The following FOXO3 variants were observed in gnomAD, a reference collection of about 807,000 sequenced individuals.
FOXO3 encodes the protein forkhead box protein O3.
In FOXO3, 4 loss-of-function variants were observed where a neutral mutation model predicts 41.9. The observed-to-expected ratio is 0.10, with a 90% CI of 0.05 to 0.22. FOXO3 has a LOEUF of 0.22. Ranked by LOEUF, FOXO3 falls within the 10% of genes least tolerant of loss-of-function variation. The probability of loss-of-function intolerance (pLI) is 1.00; values close to 1 mark genes in which losing one functional copy is unlikely to be tolerated. For missense variants in FOXO3, 534 were observed against 906.8 expected, an observed-to-expected ratio of 0.59 and a Z score of 5.28; for synonymous variants, 318 against 389.3, an observed-to-expected ratio of 0.82 and a Z score of 2.16.
chr6:108,572,532 A>G (rs1343248381), intron 1 of FOXO3, among the ~76,000 whole-genome samples: 1 of 152,244 alleles, frequency 6.6e-6, no homozygotes, highest in Non-Finnish European at 1.5e-5. Flanking sequence ...CAGCAGTAGC[A>G]GTAGATATCT....
chr6:108,679,367 A>C (rs1391214225), intron 2 of FOXO3, among the ~76,000 whole-genome samples: 1 of 152,158 alleles, frequency 6.6e-6, no homozygotes, highest in Non-Finnish European at 1.5e-5. Context: ...CCACATAGCC[A>C]GTAGGGAAGA....
intron 1 of FOXO3, among the ~76,000 whole-genome samples, chr6:108,597,967 T>C (rs1776934342): frequency 6.6e-6 from 1 of 152,230 alleles, no homozygotes; most frequent in Non-Finnish European, 1.5e-5. Flanking sequence ...AAGCTATATA[T>C]ATTTGTTAAA....
intron 1 of FOXO3, among the ~76,000 whole-genome samples, chr6:108,597,081 AG>A (rs1776906732): frequency 6.6e-6 from 1 of 152,228 alleles, no homozygotes; most frequent in African/African-American, 2.4e-5. Context: ...AGATGGCAGC[AG>A]CTAAGTGAGA....
chr6:108,573,280 C>G (rs1776160227), intron 1 of FOXO3, among the ~76,000 whole-genome samples: 3 of 151,822 alleles, frequency 2.0e-5, no homozygotes, highest in African/African-American at 7.3e-5. Flanking sequence ...GAGAGAGACT[C>G]TGTCTCAAAA....
chr6:108,622,666 C>T (rs532565083), intron 1 of FOXO3, among the ~76,000 whole-genome samples: 28 of 152,132 alleles, frequency 1.8e-4, no homozygotes, highest in African/African-American at 5.8e-4. Context: ...GGAAGGGGCC[C>T]GTGTGAGGAA....
chr6:108,660,399 T>C (rs538881949), intron 1 of FOXO3, among the ~76,000 whole-genome samples: 1 of 152,362 alleles, frequency 6.6e-6, no homozygotes, highest in East Asian at 1.9e-4. Context: ...CCTTATCAGA[T>C]ACTCAGCATG....
chr6:108,625,541 G>T (rs947848484), intron 1 of FOXO3, among the ~76,000 whole-genome samples: 1 of 152,164 alleles, frequency 6.6e-6, no homozygotes, highest in African/African-American at 2.4e-5. Flanking sequence ...ACTTTTAAAA[G>T]ATTTGATGGT....
At chr6:108,620,230 A>G (rs1332985776) in intron 1 of FOXO3, among the ~76,000 whole-genome samples, 1 of 152,144 alleles carries the variant, frequency 6.6e-6, no homozygotes, top group Non-Finnish European at 1.5e-5. Context: ...AATATAATTG[A>G]CTAATTCCTG....
Position 108,654,661 on chromosome 6 carries a change from AACGGGAAAT to A in FOXO3, c.622-8793_622-8785del, listed in dbSNP as rs936725012. Among the ~76,000 whole-genome samples, 20 of 152,144 alleles carry A rather than the reference AACGGGAAAT, an allele frequency of 1.3e-4. 1 individual carries two copies. The highest frequency in any genetic ancestry group is 4.8e-4 in the African/African-American group (20 of 41,438). ...GGTAGAGGGTTATCGTCAGCAGTTT[AACGGGAAAT>A]CTTGTTTCTAACTGGAAATTTAATT... On this transcript the variant is annotated intron_variant, in intron 1 of 2. Transcript: ENST00000406360.
intron 1 of FOXO3, among the ~76,000 whole-genome samples, chr6:108,567,931 C>G (rs1167199371): frequency 1.3e-5 from 2 of 152,104 alleles, no homozygotes; most frequent in Non-Finnish European, 2.9e-5. Flanking sequence ...GCCTGTAATC[C>G]CAGCTACTAG....
At chr6:108,568,939 A>G (rs568851665) in intron 1 of FOXO3, among the ~76,000 whole-genome samples, 1 of 152,356 alleles carries the variant, frequency 6.6e-6, no homozygotes, top group East Asian at 1.9e-4. Flanking sequence ...GCATTAAGAG[A>G]AAAAGGAAAT....
Position 108,618,431 on chromosome 6 carries a change from C to G in FOXO3, c.622-45024C>G, listed in dbSNP as rs1427922953. 30 of 459,818 alleles carry G rather than the reference C, an allele frequency of 6.5e-5. No homozygotes were observed. The Admixed American group carries it at 9.5e-4, about 15-fold the overall frequency. The allele number at this position is 459,818 out of a possible 1,614,324, so 28.5% of individuals were successfully genotyped here. On this transcript the variant is annotated intron_variant, in intron 1 of 2. Transcript: ENST00000406360. ...AGAGGGAATTTTACTTCATTGAGTG[C>G]TAGATTTTGTTGTATTCTTTTCAAA...
intron 1 of FOXO3, among the ~76,000 whole-genome samples, chr6:108,620,737 T>G (rs1777643612): frequency 1.3e-5 from 2 of 152,240 alleles, no homozygotes; most frequent in Admixed American, 1.3e-4. Context: ...ATGAAAAGAT[T>G]TCAAGTTGTA....
At chr6:108,613,912 G>T (rs1777426392) in intron 1 of FOXO3, among the ~76,000 whole-genome samples, 1 of 152,002 alleles carries the variant, frequency 6.6e-6, no homozygotes, top group Admixed American at 6.6e-5. Flanking sequence ...ATCCAGTGAA[G>T]TTTGTTTTTG....
At chr6:108,659,217 T>TG (rs1277732853) in intron 1 of FOXO3, among the ~76,000 whole-genome samples, 4 of 152,128 alleles carry the variant, frequency 2.6e-5, no homozygotes, top group Non-Finnish European at 2.9e-5. Flanking sequence ...AAAAAAAAAT[T>TG]TTTTTTTAGG....
chr6:108,677,477 C>G (rs1459959371), intron 2 of FOXO3, among the ~76,000 whole-genome samples: 1 of 152,210 alleles, frequency 6.6e-6, no homozygotes, highest in Non-Finnish European at 1.5e-5. Context: ...CTCCCTGTCT[C>G]TGTACTTGGG....
intron 1 of FOXO3, among the ~76,000 whole-genome samples, chr6:108,616,703 G>T (rs1777523545): frequency 6.6e-6 from 1 of 152,180 alleles, no homozygotes; most frequent in African/African-American, 2.4e-5. Context: ...TCACAGAGTT[G>T]TGCAACTATC....
chr6:108,606,910 C>G (rs1007063358), intron 1 of FOXO3, among the ~76,000 whole-genome samples: 1 of 152,120 alleles, frequency 6.6e-6, no homozygotes, highest in Non-Finnish European at 1.5e-5. Context: ...TTGAAGAAGA[C>G]AATGCTTGTC....
In FOXO3 at chr6:108,580,953, C is replaced by T. The variant is rs143709222; in HGVS notation, c.621+19124C>T. ...CTCTAGAGCAGATGTGATATTCCAG[C>T]AAGGGTGACCCAGCTCATCTTTCAC... is the stretch of plus-strand genomic sequence containing the variant. On this transcript the variant is annotated intron_variant, in intron 1 of 2. Transcript: ENST00000406360. Among the ~76,000 whole-genome samples, 49 of 152,314 alleles carry T rather than the reference C, an allele frequency of 3.2e-4. No individual in the cohort carries two copies. In the East Asian group the frequency reaches 7.3e-3, roughly 23 times the overall value.
Sources: gnomAD v4.1 joint callset for allele counts (sites outside exome capture counted in the v4.1 genomes callset) on GRCh38, gnomAD v4.1.1 for gene constraint, MANE v1.5 for transcripts, NCBI Gene and HGNC (gene_info 2026-07-23, HGNC 2026-07-21) for gene names.